Variants in SPAG16 observed in about 807,000 individuals in gnomAD.
The protein encoded by SPAG16 is sperm-associated antigen 16 protein.
In SPAG16, 86 loss-of-function variants were observed where a neutral mutation model predicts 80.4. That is an observed-to-expected ratio of 1.07 (90% CI 0.90 to 1.28). SPAG16 has a LOEUF of 1.28. SPAG16 is among the 50% of genes most tolerant of loss of function. The pLI is 0.00. For synonymous variants in SPAG16, 294 were observed against 265.9 expected, an observed-to-expected ratio of 1.11 and a Z score of -1.03; for missense variants, 870 against 765.3, an observed-to-expected ratio of 1.14 and a Z score of -1.61.
chr2:213,349,250 C>A (rs1390670629), intron 6 of SPAG16, among the ~76,000 whole-genome samples: 1 of 151,864 alleles, frequency 6.6e-6, no homozygotes, highest in Non-Finnish European at 1.5e-5. Flanking sequence ...AGTTTTAAAA[C>A]CAATGATGTC....
chr2:213,604,406 A>G (rs938746845), intron 10 of SPAG16, among the ~76,000 whole-genome samples: 16 of 152,094 alleles, frequency 1.1e-4, no homozygotes, highest in African/African-American at 3.4e-4. Context: ...AACCATATAC[A>G]TGTATATTTT....
intron 12 of SPAG16, among the ~76,000 whole-genome samples, chr2:213,952,684 A>G (rs1288262406): frequency 6.6e-6 from 1 of 152,086 alleles, no homozygotes; most frequent in Non-Finnish European, 1.5e-5. Context: ...GAACCATAGA[A>G]TGATAGATCA....
At chr2:213,594,741 G>T (rs1293225693) in intron 10 of SPAG16, among the ~76,000 whole-genome samples, 1 of 152,146 alleles carries the variant, frequency 6.6e-6, no homozygotes. Flanking sequence ...CGTGATAAGG[G>T]ATAGACACAC....
At chr2:213,601,376 G>A (rs2061055103) in intron 10 of SPAG16, among the ~76,000 whole-genome samples, 1 of 152,090 alleles carries the variant, frequency 6.6e-6, no homozygotes, top group South Asian at 2.1e-4. Flanking sequence ...CCATATTTTG[G>A]AGTATCAGTT....
intron 7 of SPAG16, among the ~76,000 whole-genome samples, chr2:213,358,831 A>T (rs1039288239): frequency 1.3e-5 from 2 of 152,068 alleles, no homozygotes; most frequent in African/African-American, 4.8e-5. Context: ...TTTGGAGGAG[A>T]AGAGGCACTC....
intron 13 of SPAG16, among the ~76,000 whole-genome samples, chr2:214,077,314 ATCT>A (rs1227642308): frequency 4.6e-5 from 7 of 152,142 alleles, no homozygotes; most frequent in Non-Finnish European, 1.0e-4. Context: ...CAACCTGAAT[ATCT>A]TCTTTATTCT....
At chr2:214,310,463 C>T (rs1355206025) in intron 15 of SPAG16, among the ~76,000 whole-genome samples, 1 of 152,074 alleles carries the variant, frequency 6.6e-6, no homozygotes, top group East Asian at 1.9e-4. Context: ...GTCCTTCTGT[C>T]AGCCACTTTT....
At chr2:214,243,073 T>C (rs1689605767) in intron 15 of SPAG16, among the ~76,000 whole-genome samples, 1 of 152,100 alleles carries the variant, frequency 6.6e-6, no homozygotes, top group Admixed American at 6.6e-5. Flanking sequence ...ATCATCCAAA[T>C]TTATAGAAGT....
chr2:214,105,158 G>A (rs2053316050), intron 13 of SPAG16, among the ~76,000 whole-genome samples: 2 of 152,204 alleles, frequency 1.3e-5, no homozygotes, highest in Middle Eastern at 6.8e-3. Flanking sequence ...CTGGCATAGG[G>A]CGGGGCAGAG....
chr2:213,945,388 C>G (rs1226355746), intron 12 of SPAG16, among the ~76,000 whole-genome samples: 1 of 151,036 alleles, frequency 6.6e-6, no homozygotes, highest in African/African-American at 2.4e-5. Context: ...ATCACAAGGT[C>G]CCACAACAGA....
chr2:213,714,833 A>G lies in SPAG16; in HGVS notation c.1071-147652A>G, dbSNP rs1005981328. On this transcript the variant is annotated intron_variant, in intron 10 of 15. Transcript: ENST00000331683. ...AGTACATGATCCTAATCACTACTTTATAAGTTAAAAGAGAAGATAAATGAT... is the reference window on the plus strand; with the variant it reads ...AGTACATGATCCTAATCACTACTTTGTAAGTTAAAAGAGAAGATAAATGAT... Among the ~76,000 whole-genome samples the G allele has an allele frequency of 2.6e-5, 4 of 152,310 alleles. No homozygotes were observed. The East Asian group carries it at 5.8e-4, about 22-fold the overall frequency.
intron 10 of SPAG16, among the ~76,000 whole-genome samples, chr2:213,506,051 T>A (rs2074954838): frequency 6.6e-6 from 1 of 152,048 alleles, no homozygotes; most frequent in South Asian, 2.1e-4. Flanking sequence ...CTTTTCCTAT[T>A]TGTATTAGAT....
intron 9 of SPAG16, among the ~76,000 whole-genome samples, chr2:213,468,963 T>C (rs548906772): frequency 6.6e-6 from 1 of 152,174 alleles, no homozygotes; most frequent in South Asian, 2.1e-4. Flanking sequence ...ATTTTCTGTC[T>C]GCTTTATATT....
intron 15 of SPAG16, among the ~76,000 whole-genome samples, chr2:214,308,029 A>T (rs34084248): frequency 0.23 from 35,367 of 151,958 alleles, 4,307 homozygotes; most frequent in East Asian, 0.34. Flanking sequence ...TCTATGTCTC[A>T]TTGAAGGTCC....
chr2:214,081,705 T>TTTGTGATG (rs2051402348), intron 13 of SPAG16, among the ~76,000 whole-genome samples: 2 of 152,142 alleles, frequency 1.3e-5, no homozygotes, highest in African/African-American at 4.8e-5. Context: ...TGCCACCCAG[T>TTTGTGATG]TTGTGATGTT....
At chr2:213,691,011 A>G (rs1389983552) in intron 10 of SPAG16, among the ~76,000 whole-genome samples, 4 of 152,196 alleles carry the variant, frequency 2.6e-5, no homozygotes, top group Non-Finnish European at 5.9e-5. Flanking sequence ...GTCTCTCTGC[A>G]GAACCCTGAC....
At chr2:213,330,471 G>A (rs2064045188) in intron 5 of SPAG16, among the ~76,000 whole-genome samples, 1 of 152,196 alleles carries the variant, frequency 6.6e-6, no homozygotes, top group Non-Finnish European at 1.5e-5. Context: ...CTTGCATGGG[G>A]CTTGTAGTCC....
chr2:214,137,828 G>C (rs540286361), intron 14 of SPAG16, among the ~76,000 whole-genome samples: 1 of 152,068 alleles, frequency 6.6e-6, no homozygotes, highest in Admixed American at 6.6e-5. Flanking sequence ...GTTAATTTTA[G>C]TTGTCAATTA....
intron 9 of SPAG16, among the ~76,000 whole-genome samples, chr2:213,380,066 T>A (rs1018456074): frequency 6.6e-6 from 1 of 152,204 alleles, no homozygotes; most frequent in Admixed American, 6.5e-5. Context: ...TTCCTGAATT[T>A]CCTTGTCACC....
Sources: allele counts gnomAD v4.1 joint callset (sites outside exome capture counted in the v4.1 genomes callset), GRCh38; gene constraint gnomAD v4.1.1; transcripts MANE v1.5; gene names NCBI Gene and HGNC (gene_info 2026-07-23, HGNC 2026-07-21).